The following LAMA1 variants were observed in gnomAD, a reference collection of about 807,000 sequenced individuals.
LAMA1 encodes laminin subunit alpha-1.
In LAMA1, 219 loss-of-function variants were observed where a neutral mutation model predicts 348.7. The ratio of observed to expected loss-of-function variants is 0.63; its 90% confidence interval spans 0.56 to 0.70. LAMA1 has a LOEUF of 0.70. Among genes scored for constraint, LAMA1 ranks in the 30% least tolerant of loss-of-function variants. LAMA1 has a pLI of 0.00. For synonymous variants in LAMA1, 1,487 were observed against 1,491.0 expected, an observed-to-expected ratio of 1.00 and a Z score of 0.06; for missense variants, 3,744 against 3,888.0, an observed-to-expected ratio of 0.96 and a Z score of 0.99.
Position 7,044,811 on chromosome 18 carries a change from G to A in LAMA1, c.887C>T (p.Thr296Ile). 6.2e-7 allele frequency: 1 copy of A among 1,614,102 alleles called. No individual in the cohort carries two copies. Among genetic ancestry groups the A allele is most frequent in the Non-Finnish European group, 8.5e-7 (1 of 1,179,988 alleles). Reference sequence around the variant, plus strand: ...GCACCTGTTACAGCTCTCCCCGCAAGTATTATGCTCACATTGACACTGCAG... The same window carrying A: ...GCACCTGTTACAGCTCTCCCCGCAAATATTATGCTCACATTGACACTGCAG... ...KKLQCQCEHN[T>I]CGESCNRCCP... Residue 296 changes from threonine to isoleucine, a missense_variant, in exon 7 of 63, where the codon ACT (threonine) becomes ATT (isoleucine). Physicochemically the swap from Thr to Ile is moderately conservative, Grantham distance 89. This residue lies in a region of LAMA1 where 1,529 missense variants were observed against 1,689.4 expected (regional missense o/e 0.91). Coordinates refer to ENST00000389658, the MANE Select transcript of LAMA1 (RefSeq NM_005559.4).
Position 7,096,096 on chromosome 18 carries a change from C to CT in LAMA1, c.62-15640dup, listed in dbSNP as rs201405335. On this transcript the variant is annotated intron_variant, in intron 1 of 62. Coordinates refer to ENST00000389658, the MANE Select transcript of LAMA1 (RefSeq NM_005559.4). ...AAAAAAGAAAATACTTCAGTATAGA[C>CT]TGTGGTATGGTATATGTGTGTGTGA... 4.7e-3 allele frequency among the ~76,000 whole-genome samples: 711 copies of CT among 152,302 alleles called. 8 individuals carry two copies. The highest frequency in any genetic ancestry group is 0.016 in the African/African-American group (670 of 41,576).
At chr18:7,018,356 A>AAAAAAAAAAC (rs2057898845) in intron 19 of LAMA1, among the ~76,000 whole-genome samples, 1 of 150,868 alleles carries the variant, frequency 6.6e-6, no homozygotes, top group Non-Finnish European at 1.5e-5. Context: ...AAAAAAAAAA[A>AAAAAAAAAAC]AAGAACATTT....
chr18:7,013,991 A>G lies in LAMA1; in HGVS notation c.3187T>C (p.Cys1063Arg). The G allele has an allele frequency of 6.2e-7, 1 of 1,614,036 alleles. No homozygotes were observed. The highest frequency in any genetic ancestry group is 1.7e-5 in the Admixed American group (1 of 60,002). ...HHRCDVVTGH[C>R]QCKSKFGGRA... ...CCACCAAATTTTGACTTGCACTGGCAATGGCCGGTGACCACATCGCACCGA... is the reference window on the plus strand; with the variant it reads ...CCACCAAATTTTGACTTGCACTGGCGATGGCCGGTGACCACATCGCACCGA... Residue 1063 changes from cysteine (C) to arginine (R), a missense_variant, in exon 23 of 63, where the codon TGC becomes CGC. Cys to Arg is a radical substitution (Grantham distance 180, BLOSUM62 -3). Coordinates refer to ENST00000389658, the MANE Select transcript of LAMA1 (RefSeq NM_005559.4).
In LAMA1 at chr18:7,032,626, G is replaced by T. The variant is rs6506463; in HGVS notation, c.2163+358C>A. 3.7e-3 allele frequency among the ~76,000 whole-genome samples: 570 copies of T among 152,276 alleles called. 5 individuals carry two copies. Among genetic ancestry groups the T allele is most frequent in the African/African-American group, 0.013 (542 of 41,540 alleles). ...CATAAAAGGTCTCAAAATAGGGCTGGCTTGTCTAAAGCTACCCAGGTCACA... is the reference window on the plus strand; with the variant it reads ...CATAAAAGGTCTCAAAATAGGGCTGTCTTGTCTAAAGCTACCCAGGTCACA... On this transcript the variant is annotated intron_variant, in intron 15 of 62. Transcript: ENST00000389658.
At chr18:6,942,348 T>C in intron 62 of LAMA1, 109 bp from the exon 63 acceptor site, 1 of 1,167,166 alleles carries the variant, frequency 8.6e-7, no homozygotes, top group Non-Finnish European at 1.2e-6. Flanking sequence ...TTTTTTAAAT[T>C]TTTCACTATC....
chr18:7,108,669 C>T (rs1424929896), intron 1 of LAMA1, among the ~76,000 whole-genome samples: 1 of 73,498 alleles, frequency 1.4e-5, no homozygotes, highest in South Asian at 5.2e-4. Context: ...AAAAAAAAAG[C>T]TAACTCCCTT....
At chr18:7,085,458 G>C (rs143206174) in intron 1 of LAMA1, among the ~76,000 whole-genome samples, 1 of 116,598 alleles carries the variant, frequency 8.6e-6, no homozygotes, top group Admixed American at 1.3e-4. Flanking sequence ...TTGCTCTGTC[G>C]CCCAGGCTGT....
rs1424602399 is a variant in LAMA1 at position 7,011,160 on chromosome 18, A to T, written c.3687+140T>A. On this transcript the variant is annotated intron_variant, in intron 25 of 62. Transcript: ENST00000389658. ...TTTGAGGAGACTTTTATGAGCATTA[A>T]ACTTCTCTGATCCCACTTAAAAGAG... is the stretch of plus-strand genomic sequence containing the variant. 22 of 944,408 alleles carry T rather than the reference A, an allele frequency of 2.3e-5. No homozygotes were observed. The East Asian group carries it at 2.9e-4, about 12-fold the overall frequency. The allele number at this position is 944,408 out of a possible 1,614,324, so 58.5% of individuals were successfully genotyped here. A position where few individuals can be genotyped will look rare whatever the true frequency, so the allele number is the denominator to read the frequency against.
chr18:7,015,840 G>A lies in LAMA1; in HGVS notation c.3008C>T (p.Thr1003Ile), dbSNP rs868131077. ...GSCTPCDCPH[T>I]QNTCDPETGE... ...AGTTTCTGGGTCGCAGGTATTCTGAGTGTGTGGGCAGTCACAGGCTGAAAT... is the reference window on the plus strand; with the variant it reads ...AGTTTCTGGGTCGCAGGTATTCTGAATGTGTGGGCAGTCACAGGCTGAAAT... Residue 1003 changes from threonine to isoleucine, a missense_variant, in exon 22 of 63, where the codon ACT becomes ATT. Coordinates refer to ENST00000389658, the MANE Select transcript of LAMA1 (RefSeq NM_005559.4). 1.2e-6 allele frequency: 2 copies of A among 1,614,066 alleles called. No homozygotes were observed. The highest frequency in any genetic ancestry group is 1.7e-6 in the Non-Finnish European group (2 of 1,180,040).
rs1232121013 is a variant in LAMA1, at chr18:6,978,196, T to C, written c.6190A>G (p.Thr2064Ala). Residue 2064 changes from threonine to alanine, a missense_variant and splice_region_variant, in exon 43 of 63, where the codon ACT becomes GCT. Thr to Ala is a moderately conservative substitution (Grantham distance 58). Coordinates refer to ENST00000389658, the MANE Select transcript of LAMA1 (RefSeq NM_005559.4). ...HQLLQDSTMATLLAGRKVKDV... is the reference protein window; with the variant it reads ...HQLLQDSTMAALLAGRKVKDV... ...ACTGGAAGGAAGGGCGCTGACATACTGGCCATGGTGGAGTCCTGCAGAAGC... is the reference window on the plus strand; with the variant it reads ...ACTGGAAGGAAGGGCGCTGACATACCGGCCATGGTGGAGTCCTGCAGAAGC... 3.1e-6 allele frequency: 5 copies of C among 1,614,092 alleles called. No individual in the cohort carries two copies. The African/African-American group carries it at 5.3e-5, about 17-fold the overall frequency.
chr18:7,040,891 C>T (rs188055588), intron 9 of LAMA1, among the ~76,000 whole-genome samples: 1 of 152,212 alleles, frequency 6.6e-6, no homozygotes, highest in Non-Finnish European at 1.5e-5. Context: ...AAGCCAGTCA[C>T]CAAAAACCAA....
intron 47 of LAMA1, chr18:6,972,227 G>A (rs524592): frequency 0.063 from 29,541 of 471,776 alleles, 3,438 homozygotes; most frequent in African/African-American, 0.35. Flanking sequence ...TTGATGGAGA[G>A]AATCGTGTTG....
chr18:6,981,042 G>T (rs2057709401), intron 41 of LAMA1, among the ~76,000 whole-genome samples: 1 of 151,844 alleles, frequency 6.6e-6, no homozygotes. Flanking sequence ...GGTGGAACTT[G>T]CAGTGAGCTG....
chr18:7,032,023 A>C, intron 16 of LAMA1, 43 bp downstream of exon 16: 1 of 1,502,224 alleles, frequency 6.7e-7, no homozygotes, highest in Non-Finnish European at 9.3e-7. Context: ...AATGGCTCTG[A>C]ATTGAGGAGG....
intron 19 of LAMA1, among the ~76,000 whole-genome samples, chr18:7,021,873 AAAT>A (rs2057919369): frequency 7.0e-6 from 1 of 143,514 alleles, no homozygotes; most frequent in African/African-American, 2.6e-5. Context: ...ATATATTAGA[AAAT>A]ATAATAATAA....
chr18:7,086,186 C>G (rs956986137), intron 1 of LAMA1, among the ~76,000 whole-genome samples: 6 of 152,152 alleles, frequency 3.9e-5, no homozygotes, highest in African/African-American at 1.4e-4. Flanking sequence ...TTTCCTGACC[C>G]CAGGGTTCTC....
At chr18:7,000,662 G>A (rs577385203) in intron 30 of LAMA1, among the ~76,000 whole-genome samples, 39 of 152,170 alleles carry the variant, frequency 2.6e-4, no homozygotes, top group Non-Finnish European at 2.2e-4. Context: ...CTGCCTTCAC[G>A]TTTTAAATTA....
In LAMA1 at chr18:6,972,734, G is replaced by A. The variant is rs149978263; in HGVS notation, c.6774+323C>T. Reference sequence around the variant, plus strand: ...GATGGAGTTTTGCTCCTGTTGCCCAGGCTGGAGTGCAATGGCGCGATCTCA... The same window carrying A: ...GATGGAGTTTTGCTCCTGTTGCCCAAGCTGGAGTGCAATGGCGCGATCTCA... On this transcript the variant is annotated intron_variant, in intron 47 of 62. Coordinates refer to ENST00000389658, the MANE Select transcript of LAMA1 (RefSeq NM_005559.4). 1.5e-3 allele frequency among the ~76,000 whole-genome samples: 223 copies of A among 152,268 alleles called. 1 individual carries two copies. The highest frequency in any genetic ancestry group is 4.9e-3 in the African/African-American group (202 of 41,560).
intron 1 of LAMA1, among the ~76,000 whole-genome samples, chr18:7,111,783 T>C (rs1273147167): frequency 6.6e-6 from 1 of 152,264 alleles, no homozygotes; most frequent in East Asian, 1.9e-4. Context: ...TAGGAGATGA[T>C]AGTTTATCTA....
Sources: allele counts gnomAD v4.1 joint callset (sites outside exome capture counted in the v4.1 genomes callset), GRCh38; gene constraint gnomAD v4.1.1; regional missense constraint gnomAD v4.1.1; transcripts MANE v1.5; gene names NCBI Gene and HGNC (gene_info 2026-07-23, HGNC 2026-07-21).